The following NKAIN3 variants were observed in gnomAD, a reference collection of about 807,000 sequenced individuals.
The protein encoded by NKAIN3 is sodium/potassium transporting ATPase interacting 3.
NKAIN3 carries 25 observed loss-of-function variants against 30.2 expected under a neutral mutation model. That is an observed-to-expected ratio of 0.83 (90% confidence interval 0.60 to 1.16). The LOEUF is 1.16. Ranked by LOEUF, NKAIN3 falls within the 50% of genes most tolerant of loss-of-function variation. NKAIN3 has a pLI of 0.00. For missense variants in NKAIN3, 225 were observed against 254.1 expected (o/e 0.89, Z 0.78); for synonymous variants, 91 against 89.6 (o/e 1.02, Z -0.09).
intron 4 of NKAIN3, among the ~76,000 whole-genome samples, chr8:62,795,569 C>T (rs564724390): frequency 3.2e-4 from 49 of 152,234 alleles, no homozygotes; most frequent in African/African-American, 1.1e-3. Flanking sequence ...AGGTACTTAA[C>T]TTCTCAATGT....
intron 1 of NKAIN3, among the ~76,000 whole-genome samples, chr8:62,366,134 G>A (rs1002661310): frequency 6.6e-6 from 1 of 151,156 alleles, no homozygotes; most frequent in Admixed American, 6.6e-5. Flanking sequence ...TCAGTAGGTT[G>A]TATGTTTCTA....
chr8:62,979,822 T>A lies in NKAIN3; in HGVS notation c.*14415T>A, dbSNP rs1246397053. ...TGTTGTTGACTACAATTCAATGCCTTTTTTGCCTGCGTTTGTTTGGACCCT... is the reference window on the plus strand; with the variant it reads ...TGTTGTTGACTACAATTCAATGCCTATTTTGCCTGCGTTTGTTTGGACCCT... On this transcript the variant is annotated 3_prime_UTR_variant, in exon 7 of 7. Coordinates refer to ENST00000623646, the MANE Select transcript of NKAIN3 (RefSeq NM_001304533.3). 6.6e-6 allele frequency: 1 copy of A among 152,222 alleles called. No homozygotes were observed. The highest frequency in any genetic ancestry group is 2.4e-5 in the African/African-American group (1 of 41,450). The allele number at this position is 152,222 out of a possible 1,614,324, so 9.4% of individuals were successfully genotyped here. A position where few individuals can be genotyped will look rare whatever the true frequency, so the allele number is the denominator to read the frequency against.
intron 4 of NKAIN3, among the ~76,000 whole-genome samples, chr8:62,767,041 T>G (rs1268152392): frequency 6.6e-6 from 1 of 152,096 alleles, no homozygotes; most frequent in Non-Finnish European, 1.5e-5. Flanking sequence ...GGACATCTAT[T>G]GTCTTTGCCT....
intron 1 of NKAIN3, among the ~76,000 whole-genome samples, chr8:62,293,485 A>G (rs1252107936): frequency 6.6e-6 from 1 of 152,002 alleles, no homozygotes; most frequent in Non-Finnish European, 1.5e-5. Flanking sequence ...GGTCTGTTGG[A>G]GTTTGCTGGA....
At chr8:62,758,021 A>G (rs1816510571) in intron 4 of NKAIN3, among the ~76,000 whole-genome samples, 1 of 152,160 alleles carries the variant, frequency 6.6e-6, no homozygotes, top group Non-Finnish European at 1.5e-5. Context: ...GCTTGGACCC[A>G]TTCTCCCCAG....
intron 1 of NKAIN3, among the ~76,000 whole-genome samples, chr8:62,391,810 T>C (rs13263645): frequency 0.42 from 63,687 of 151,818 alleles, 15,622 homozygotes; most frequent in Non-Finnish European, 0.54. Flanking sequence ...AATGTGTGGG[T>C]GTGTGTATGC....
At chr8:62,897,053 GAA>G (rs1821449677) in intron 4 of NKAIN3, among the ~76,000 whole-genome samples, 1 of 152,158 alleles carries the variant, frequency 6.6e-6, no homozygotes, top group South Asian at 2.1e-4. Context: ...AAGCAGAAGG[GAA>G]AGAGTCTGTG....
chr8:62,563,967 C>T (rs979151366), intron 1 of NKAIN3, among the ~76,000 whole-genome samples: 10 of 152,166 alleles, frequency 6.6e-5, no homozygotes, highest in Admixed American at 6.6e-4. Context: ...GCAAACCATA[C>T]ACACTAGATT....
At chr8:62,742,477 T>C (rs1815935015) in intron 3 of NKAIN3, among the ~76,000 whole-genome samples, 1 of 152,202 alleles carries the variant, frequency 6.6e-6, no homozygotes, top group Non-Finnish European at 1.5e-5. Flanking sequence ...TTCTTCTCAG[T>C]TGCCTTCAGC....
rs2129384394 is a variant in NKAIN3 at position 62,248,961 on chromosome 8, G to GGGGCCGAGGAGCCT, written c.-106_-93dup. 1.0e-6 allele frequency: 1 copy of GGGGCCGAGGAGCCT among 965,880 alleles called. No individual in the cohort carries two copies. The highest frequency in any genetic ancestry group is 1.5e-6 in the Non-Finnish European group (1 of 677,446). 59.8% of individuals were successfully genotyped at this position (965,880 alleles called of 1,614,324 possible). A position where few individuals can be genotyped will look rare whatever the true frequency, so the allele number is the denominator to read the frequency against. On this transcript the variant is annotated 5_prime_UTR_variant, in exon 1 of 7. Coordinates refer to ENST00000623646, the MANE Select transcript of NKAIN3 (RefSeq NM_001304533.3). ...CCCTGGAGCCGCGAGCGGCGGCCGC[G>GGGGCCGAGGAGCCT]GGGCCGAGGAGCCTGGGCCGGGCCG...
intron 4 of NKAIN3, among the ~76,000 whole-genome samples, chr8:62,840,236 A>G (rs16929693): frequency 0.048 from 7,330 of 152,130 alleles, 242 homozygotes; most frequent in Middle Eastern, 0.12. Context: ...TAGACATCTC[A>G]AAAGGATATT....
chr8:62,607,889 T>C (rs562933057), intron 3 of NKAIN3, among the ~76,000 whole-genome samples: 2 of 152,276 alleles, frequency 1.3e-5, no homozygotes, highest in South Asian at 4.1e-4. Context: ...TTTGTATACG[T>C]TGAAATGTAT....
intron 1 of NKAIN3, among the ~76,000 whole-genome samples, chr8:62,274,923 A>G (rs1812888088): frequency 6.6e-6 from 1 of 151,990 alleles, no homozygotes; most frequent in African/African-American, 2.4e-5. Context: ...AAGGACATGA[A>G]CTCATCATTT....
intron 1 of NKAIN3, among the ~76,000 whole-genome samples, chr8:62,277,858 G>A (rs1378071919): frequency 6.6e-6 from 1 of 152,104 alleles, no homozygotes; most frequent in African/African-American, 2.4e-5. Context: ...AAATAGATGA[G>A]GCAGTAGTTT....
intron 3 of NKAIN3, among the ~76,000 whole-genome samples, chr8:62,599,943 T>G (rs142476856): frequency 4.7e-4 from 72 of 152,154 alleles, no homozygotes; most frequent in Middle Eastern, 3.4e-3. Flanking sequence ...AGACTTGAAA[T>G]AATTTTTTCC....
chr8:62,990,017 G>T, intron 5 of NKAIN3: 1 of 508,982 alleles, frequency 2.0e-6, no homozygotes, highest in East Asian at 3.3e-5. Flanking sequence ...TCCTCATCTT[G>T]TATCTGCTCA....
intron 1 of NKAIN3, among the ~76,000 whole-genome samples, chr8:62,280,149 G>A (rs1193619464): frequency 7.4e-6 from 1 of 135,352 alleles, no homozygotes; most frequent in African/African-American, 2.8e-5. Flanking sequence ...GTGAATGGGA[G>A]TTAACTCACG....
At chr8:62,485,529 C>G (rs968041519) in intron 1 of NKAIN3, among the ~76,000 whole-genome samples, 1 of 152,176 alleles carries the variant, frequency 6.6e-6, no homozygotes, top group Non-Finnish European at 1.5e-5. Flanking sequence ...TTATATGTAT[C>G]TGGGGTCAGC....
intron 3 of NKAIN3, among the ~76,000 whole-genome samples, chr8:62,650,753 C>G (rs548674603): frequency 6.6e-6 from 1 of 152,148 alleles, no homozygotes; most frequent in Admixed American, 6.6e-5. Context: ...TTGTCAGATG[C>G]CTGCCATTGC....
Sources: gnomAD v4.1 joint callset for allele counts (sites outside exome capture counted in the v4.1 genomes callset) on GRCh38, gnomAD v4.1.1 for gene constraint, MANE v1.5 for transcripts, NCBI Gene and HGNC (gene_info 2026-07-23, HGNC 2026-07-21) for gene names.